The following DPYSL3 variants were observed in gnomAD, a reference collection of about 807,000 sequenced individuals.
The protein encoded by DPYSL3 is dihydropyrimidinase-related protein 3.
DPYSL3 carries 16 observed loss-of-function variants against 66.1 expected under a neutral mutation model. The ratio of observed to expected loss-of-function variants is 0.24; its 90% CI spans 0.16 to 0.37. The LOEUF is 0.37. Among genes scored for constraint, DPYSL3 ranks in the 10% least tolerant of loss-of-function variants. DPYSL3 has a pLI of 1.00. For missense variants in DPYSL3, 738 were observed against 916.2 expected (o/e 0.81, Z 2.51); for synonymous variants, 338 against 345.1 (o/e 0.98, Z 0.23).
intron 1 of DPYSL3, among the ~76,000 whole-genome samples, chr5:147,504,022 C>T (rs908327054): frequency 6.6e-6 from 1 of 152,186 alleles, no homozygotes. Flanking sequence ...GCTCACACAC[C>T]TAAATGGACC....
intron 1 of DPYSL3, among the ~76,000 whole-genome samples, chr5:147,429,222 C>T (rs1752262005): frequency 6.6e-6 from 1 of 152,158 alleles, no homozygotes; most frequent in South Asian, 2.1e-4. Flanking sequence ...AGCAACCCGC[C>T]ACTGACCTGC....
At chr5:147,442,355 C>T (rs576564661) in intron 1 of DPYSL3, among the ~76,000 whole-genome samples, 71 of 152,104 alleles carry the variant, frequency 4.7e-4, no homozygotes, top group African/African-American at 1.4e-3. Flanking sequence ...GCAAAGGTGG[C>T]GGTGAGAAAA....
At chr5:147,475,936 C>T (rs910445338) in intron 1 of DPYSL3, among the ~76,000 whole-genome samples, 1 of 152,044 alleles carries the variant, frequency 6.6e-6, no homozygotes, top group Non-Finnish European at 1.5e-5. Flanking sequence ...CTGCAGATAA[C>T]AATAGTAATA....
At chr5:147,458,425 T>C (rs1752884447) in intron 1 of DPYSL3, among the ~76,000 whole-genome samples, 1 of 152,184 alleles carries the variant, frequency 6.6e-6, no homozygotes, top group East Asian at 1.9e-4. Context: ...ACCCCTTGTT[T>C]AGCATATCAT....
intron 1 of DPYSL3, among the ~76,000 whole-genome samples, chr5:147,448,083 G>A (rs1752661839): frequency 6.6e-6 from 1 of 151,928 alleles, no homozygotes; most frequent in Non-Finnish European, 1.5e-5. Context: ...GGACAGGAGG[G>A]GTTTTTTTTT....
At chr5:147,453,855 T>A in intron 1 of DPYSL3, 1 of 876,082 alleles carries the variant, frequency 1.1e-6, no homozygotes, top group African/African-American at 1.8e-5. Flanking sequence ...TTGTTTTTTT[T>A]TTTCTTTTGC....
chr5:147,422,542 A>G (rs1752102161), intron 2 of DPYSL3, among the ~76,000 whole-genome samples: 1 of 152,230 alleles, frequency 6.6e-6, no homozygotes, highest in South Asian at 2.1e-4. Context: ...CTATAAAGAC[A>G]CATGCACACG....
At chr5:147,403,803 T>C (rs948357592) in intron 8 of DPYSL3, among the ~76,000 whole-genome samples, 2 of 152,134 alleles carry the variant, frequency 1.3e-5, no homozygotes, top group African/African-American at 4.8e-5. Context: ...CTGACTTCAA[T>C]CTCAGCAGCC....
At chr5:147,415,923 C>G in intron 3 of DPYSL3, 50 bp from the exon 4 acceptor site, 1 of 1,590,932 alleles carries the variant, frequency 6.3e-7, no homozygotes, top group Non-Finnish European at 8.6e-7. Flanking sequence ...AGCCTTTGCT[C>G]CCCTCTGCCC....
intron 1 of DPYSL3, among the ~76,000 whole-genome samples, chr5:147,489,916 A>G (rs1284016733): frequency 2.0e-5 from 3 of 152,190 alleles, no homozygotes; most frequent in Admixed American, 6.5e-5. Flanking sequence ...TGCACAACGT[A>G]GTAGGACTGC....
intron 1 of DPYSL3, among the ~76,000 whole-genome samples, chr5:147,498,403 G>A (rs1026568729): frequency 1.3e-5 from 2 of 152,076 alleles, no homozygotes; most frequent in Admixed American, 6.6e-5. Flanking sequence ...GAACATACAC[G>A]TGCATGTGTC....
chr5:147,435,530 A>C (rs1180348385), intron 1 of DPYSL3, among the ~76,000 whole-genome samples: 1 of 152,166 alleles, frequency 6.6e-6, no homozygotes, highest in African/African-American at 2.4e-5. Flanking sequence ...CCTTCTTCCA[A>C]AGCTTAAGAT....
chr5:147,437,356 G>A (rs1431629029), intron 1 of DPYSL3, among the ~76,000 whole-genome samples: 2 of 152,238 alleles, frequency 1.3e-5, no homozygotes, highest in Admixed American at 1.3e-4. Flanking sequence ...CTTGGAATGT[G>A]TGAGAAGCAC....
intron 1 of DPYSL3, among the ~76,000 whole-genome samples, chr5:147,474,315 G>A (rs547979581): frequency 1.3e-5 from 2 of 152,060 alleles, no homozygotes. Flanking sequence ...CTGTTATCAA[G>A]CAATTATGAA....
intron 2 of DPYSL3, among the ~76,000 whole-genome samples, chr5:147,424,245 C>T (rs1489246887): frequency 6.6e-6 from 1 of 152,050 alleles, no homozygotes; most frequent in Non-Finnish European, 1.5e-5. Context: ...TTGGATACAC[C>T]CAGTCTTTTA....
intron 1 of DPYSL3, among the ~76,000 whole-genome samples, chr5:147,487,116 C>T (rs1363844164): frequency 6.6e-6 from 1 of 152,072 alleles, no homozygotes; most frequent in Non-Finnish European, 1.5e-5. Flanking sequence ...TTTTTTCTAG[C>T]ACTCCGGTAA....
chr5:147,402,834 T>C (rs1196431279), intron 8 of DPYSL3, among the ~76,000 whole-genome samples: 1 of 152,172 alleles, frequency 6.6e-6, no homozygotes, highest in Non-Finnish European at 1.5e-5. Flanking sequence ...CTAAGCTGTT[T>C]AGCTTCTTTA....
At chr5:147,407,586 C>A (rs1250415366) in intron 7 of DPYSL3, among the ~76,000 whole-genome samples, 1 of 152,124 alleles carries the variant, frequency 6.6e-6, no homozygotes, top group Non-Finnish European at 1.5e-5. Context: ...AGGGGCTTAA[C>A]CTCTCTGAGC....
Position 147,458,486 on chromosome 5 carries a change from G to A in DPYSL3, c.382-33523C>T, listed in dbSNP as rs538722187. On this transcript the variant is annotated intron_variant, in intron 1 of 13. Transcript: ENST00000343218. ...ACCAGCAGATCCTCGGGGCTGCTCT[G>A]TTTATGGAGCAGCCATTCTTTTGTT... 1.6e-3 allele frequency among the ~76,000 whole-genome samples: 237 copies of A among 152,304 alleles called. 1 individual carries two copies. Among genetic ancestry groups the A allele is most frequent in the African/African-American group, 5.2e-3 (215 of 41,554 alleles).
Sources: allele counts gnomAD v4.1 joint callset (sites outside exome capture counted in the v4.1 genomes callset), GRCh38; gene constraint gnomAD v4.1.1; transcripts MANE v1.5; gene names NCBI Gene and HGNC (gene_info 2026-07-23, HGNC 2026-07-21).